Variants in KLRD1 observed in about 807,000 individuals in gnomAD.
KLRD1 encodes the protein killer cell lectin like receptor D1.
A neutral mutation model predicts 22.6 loss-of-function variants in KLRD1; 21 were observed. That is an observed-to-expected ratio of 0.93 (90% CI 0.66 to 1.34). The LOEUF is 1.34. KLRD1 is among the 40% of genes most tolerant of loss of function. The pLI is 0.00. For missense variants in KLRD1, 183 were observed against 208.6 expected (o/e 0.88, Z 0.76); for synonymous variants, 59 against 71.1 (o/e 0.83, Z 0.85).
chr12:10,315,250 C>T lies in KLRD1; in HGVS notation c.*457C>T. On this transcript the variant is annotated 3_prime_UTR_variant, in exon 6 of 6. Coordinates refer to ENST00000336164, the MANE Select transcript of KLRD1 (RefSeq NM_002262.5). ...CCTCCTGACTCAGCCTCCCAAGTAG[C>T]TAGGACTGCAGGCACCATGTCACTA... 2.3e-6 allele frequency: 1 copy of T among 435,298 alleles called. No individual in the cohort carries two copies. The highest frequency in any genetic ancestry group is 4.6e-6 in the Non-Finnish European group (1 of 217,260). The allele number at this position is 435,298 out of a possible 1,614,324, so 27.0% of individuals were successfully genotyped here.
At chr12:10,262,713 A>G (rs910238403) in intron 1 of KLRD1, among the ~76,000 whole-genome samples, 1 of 152,076 alleles carries the variant, frequency 6.6e-6, no homozygotes, top group African/African-American at 2.4e-5. Context: ...GAAATTCACA[A>G]TATTTGCAAA....
At position 10,315,314 on chromosome 12, in the gene KLRD1, C is replaced by T; in HGVS notation, c.*521C>T. 1 of 442,544 alleles carries T rather than the reference C, an allele frequency of 2.3e-6. No individual in the cohort carries two copies. Among genetic ancestry groups the T allele is most frequent in the Non-Finnish European group, 4.5e-6 (1 of 220,466 alleles). 27.4% of individuals were successfully genotyped at this position (442,544 alleles called of 1,614,324 possible). On this transcript the variant is annotated 3_prime_UTR_variant, in exon 6 of 6. Coordinates refer to ENST00000336164, the MANE Select transcript of KLRD1 (RefSeq NM_002262.5). ...TTTAATTTTTAATTTTTTGTCAAGA[C>T]AAGGTCTTGCTATGTTGCCCAGGCT...
intron 1 of KLRD1, among the ~76,000 whole-genome samples, chr12:10,239,581 TTCTTTTTC>T (rs1565443526): frequency 4.9e-4 from 70 of 141,648 alleles, no homozygotes; most frequent in African/African-American, 1.8e-3. Flanking sequence ...CTTTCTTTCT[TTCTTTTTC>T]TTTCTTTCTT....
rs1949357157 is a variant in KLRD1, at chr12:10,252,809, G to C, written c.-101+26576G>C. 2.6e-5 allele frequency among the ~76,000 whole-genome samples: 4 copies of C among 152,226 alleles called. No individual in the cohort carries two copies. The South Asian group carries it at 8.3e-4, about 32-fold the overall frequency. ...AGAAGAATGGTGGGGGTGGTAGGGA[G>C]TAAAACTATCGCAGCTGTGTGTACA... On this transcript the variant is annotated intron_variant, in intron 1 of 5. Coordinates refer to the KLRD1 transcript ENST00000544747.
At chr12:10,276,775 A>T (rs920885136) in intron 1 of KLRD1, among the ~76,000 whole-genome samples, 7 of 152,104 alleles carry the variant, frequency 4.6e-5, no homozygotes, top group African/African-American at 1.7e-4. Flanking sequence ...ATGAATTAGC[A>T]CCAGGAAGTT....
rs149157972 is a variant in KLRD1, at chr12:10,282,866, G to T, written c.-100-25112G>T. Among the ~76,000 whole-genome samples the T allele has an allele frequency of 2.0e-5, 3 of 152,276 alleles. No individual in the cohort carries two copies. The East Asian group carries it at 5.8e-4, about 29-fold the overall frequency. On this transcript the variant is annotated intron_variant, in intron 1 of 5. Transcript: ENST00000544747. Reference sequence around the variant, plus strand: ...AGTCTCTACAACCTAAGACTGAATGGTTTGTTTGAGAAGTAGCATTGGGGC... The same window carrying T: ...AGTCTCTACAACCTAAGACTGAATGTTTTGTTTGAGAAGTAGCATTGGGGC...
chr12:10,301,408 T>G (rs953513778), upstream of KLRD1, among the ~76,000 whole-genome samples: 6 of 152,172 alleles, frequency 3.9e-5, no homozygotes, highest in African/African-American at 1.4e-4. Flanking sequence ...GTTACCACAT[T>G]CTGATGATTT....
chr12:10,274,286 A>C (rs1051451862), intron 1 of KLRD1, among the ~76,000 whole-genome samples: 4 of 152,110 alleles, frequency 2.6e-5, no homozygotes, highest in African/African-American at 9.7e-5. Context: ...TTTCAAAAAA[A>C]AATTTTTTTT....
upstream of KLRD1, among the ~76,000 whole-genome samples, chr12:10,299,876 C>A (rs1337011224): frequency 1.3e-5 from 2 of 152,168 alleles, no homozygotes; most frequent in African/African-American, 4.8e-5. Flanking sequence ...TATGTATATT[C>A]ATAGGAGTAG....
At chr12:10,239,450 C>A (rs1230844344) in intron 1 of KLRD1, among the ~76,000 whole-genome samples, 1 of 37,590 alleles carries the variant, frequency 2.7e-5, no homozygotes, top group South Asian at 8.8e-4. Context: ...TCCTTCCTTC[C>A]TTCCTTCCTT....
At chr12:10,293,881 T>G (rs1949799251) in intron 1 of KLRD1, among the ~76,000 whole-genome samples, 1 of 152,196 alleles carries the variant, frequency 6.6e-6, no homozygotes, top group African/African-American at 2.4e-5. Flanking sequence ...TGTAACTTTT[T>G]TTGTTAATCT....
rs192486666 is a variant in KLRD1, at chr12:10,287,925, G to A, written c.-100-20053G>A. Among the ~76,000 whole-genome samples the A allele has an allele frequency of 3.9e-3, 595 of 152,006 alleles. 2 individuals are homozygous for A. Among genetic ancestry groups the A allele is most frequent in the African/African-American group, 0.014 (565 of 41,440 alleles). ...TCTACTAAAATACAAAAAATTAGCC[G>A]GGCGTGGTGGCGGGCGCCTGTAGTC... On this transcript the variant is annotated intron_variant, in intron 1 of 5. Coordinates refer to the KLRD1 transcript ENST00000544747.
At chr12:10,277,114 GTT>G (rs36020833) in intron 1 of KLRD1, among the ~76,000 whole-genome samples, 1,400 of 115,312 alleles carry the variant, frequency 0.012, 18 homozygotes, top group African/African-American at 0.044. Flanking sequence ...GCCTCACAGA[GTT>G]TTTTTTTTTT....
chr12:10,280,530 C>T (rs369949996), intron 1 of KLRD1, among the ~76,000 whole-genome samples: 7 of 152,034 alleles, frequency 4.6e-5, no homozygotes, highest in African/African-American at 9.7e-5. Context: ...ATGTTCACGC[C>T]GTGCTCCATC....
At chr12:10,308,564 T>C (rs1352409601) in intron 1 of KLRD1, 1 of 157,678 alleles carries the variant, frequency 6.3e-6, no homozygotes, top group Non-Finnish European at 1.4e-5. Flanking sequence ...AATGTTGAAA[T>C]GTTTTAGGTG....
chr12:10,280,177 C>T (rs1949626987), intron 1 of KLRD1, among the ~76,000 whole-genome samples: 1 of 152,160 alleles, frequency 6.6e-6, no homozygotes, highest in Non-Finnish European at 1.5e-5. Flanking sequence ...GAGGAACGTA[C>T]AGTGAAATGA....
intron 1 of KLRD1, among the ~76,000 whole-genome samples, chr12:10,280,098 C>T (rs1339724626): frequency 6.6e-6 from 1 of 152,202 alleles, no homozygotes; most frequent in South Asian, 2.1e-4. Flanking sequence ...GTTACAATAA[C>T]ATCGGTGGTC....
At chr12:10,261,543 G>T (rs1193765992) in intron 1 of KLRD1, among the ~76,000 whole-genome samples, 2 of 152,128 alleles carry the variant, frequency 1.3e-5, no homozygotes, top group Non-Finnish European at 2.9e-5. Flanking sequence ...CTCTTTAGAA[G>T]ATACATGCAG....
chr12:10,239,470 C>T lies in KLRD1; in HGVS notation c.-101+13237C>T, dbSNP rs796212684. ...CCTTCCTTCCTTCCTTCCTTCCTTCCTTCCTTCCTTCCTTCTTCCTTCCTT... is the reference window on the plus strand; with the variant it reads ...CCTTCCTTCCTTCCTTCCTTCCTTCTTTCCTTCCTTCCTTCTTCCTTCCTT... On this transcript the variant is annotated intron_variant, in intron 1 of 5. Coordinates refer to the KLRD1 transcript ENST00000544747. Among the ~76,000 whole-genome samples, 16 of 25,796 alleles carry T rather than the reference C, an allele frequency of 6.2e-4. 1 individual carries two copies. Among genetic ancestry groups the T allele is most frequent in the South Asian group, 1.3e-3 (1 of 784 alleles). The allele number at this position is 25,796 out of a possible 152,430, so 16.9% of individuals were successfully genotyped here. A position where few individuals can be genotyped will look rare whatever the true frequency, so the allele number is the denominator to read the frequency against.
Sources: allele counts gnomAD v4.1 joint callset (sites outside exome capture counted in the v4.1 genomes callset), GRCh38; gene constraint gnomAD v4.1.1; transcripts MANE v1.5; gene names NCBI Gene and HGNC (gene_info 2026-07-23, HGNC 2026-07-21).